Variants in ZNF248 observed in about 807,000 individuals in gnomAD.
The protein encoded by ZNF248 is KRAB protein domain.
A neutral mutation model predicts 44.3 loss-of-function variants in ZNF248; 20 were observed. The ratio of observed to expected loss-of-function variants is 0.45; its 90% CI spans 0.32 to 0.66. The LOEUF is 0.66. ZNF248 is among the 30% of genes least tolerant of loss of function. The probability of loss-of-function intolerance (pLI) is 0.04; values close to 1 mark genes in which losing one functional copy is unlikely to be tolerated. For missense variants in ZNF248, 654 were observed against 677.0 expected (o/e 0.97, Z 0.38); for synonymous variants, 224 against 229.0 (o/e 0.98, Z 0.20).
chr10:37,813,657 A>G (rs188999085), intron 6 of ZNF248, among the ~76,000 whole-genome samples: 96 of 152,272 alleles, frequency 6.3e-4, no homozygotes, highest in Non-Finnish European at 1.3e-4. Flanking sequence ...CATATACATA[A>G]TACATGTTAA....
At chr10:37,819,925 G>GT (rs1253361090) in intron 6 of ZNF248, 1 of 771,298 alleles carries the variant, frequency 1.3e-6, no homozygotes, top group African/African-American at 1.7e-5. Flanking sequence ...CCATTGTTCA[G>GT]TAAACGAGGC....
In ZNF248 at chr10:37,831,770, A is replaced by C; in HGVS notation, c.1585T>G (p.Phe529Val). 6.2e-7 allele frequency: 1 copy of C among 1,613,212 alleles called. No individual in the cohort carries two copies. Among genetic ancestry groups the C allele is most frequent in the East Asian group, 2.2e-5 (1 of 44,852 alleles). ...TTAGTGAGAGCTGATTTTTCACAGA[A>C]GGTTTTCCCACATTCATTACACTTA... Reference protein sequence around the residue: ...PYKCNECGKTFCEKSALTKHQ... With the variant: ...PYKCNECGKTVCEKSALTKHQ... Residue 529 changes from phenylalanine to valine, a missense_variant, in exon 6 of 6, where the codon TTC (phenylalanine) becomes GTC (valine). Transcript: ENST00000395867.
At chr10:37,807,554 A>G (rs184979283) in intron 6 of ZNF248, among the ~76,000 whole-genome samples, 1 of 152,322 alleles carries the variant, frequency 6.6e-6, no homozygotes, top group East Asian at 1.9e-4. Flanking sequence ...CTTCCTATCA[A>G]TGTACATGAA....
At chr10:37,833,789 C>T (rs1415059067) in intron 5 of ZNF248, among the ~76,000 whole-genome samples, 1 of 151,874 alleles carries the variant, frequency 6.6e-6, no homozygotes, top group Non-Finnish European at 1.5e-5. Context: ...GTGAAATAAA[C>T]TCAAGACATG....
intron 3 of ZNF248, among the ~76,000 whole-genome samples, chr10:37,846,354 C>A (rs2059314361): frequency 6.6e-6 from 1 of 152,140 alleles, no homozygotes; most frequent in African/African-American, 2.4e-5. Context: ...GACAATGAAG[C>A]CAGGTGCGGT....
chr10:37,772,468 A>C (rs145152018), downstream of ZNF248, among the ~76,000 whole-genome samples: 3 of 152,276 alleles, frequency 2.0e-5, no homozygotes, highest in East Asian at 5.8e-4. Context: ...CACCTGAAGG[A>C]CTATCAGACC....
At chr10:37,768,806 C>T in the ZNF248 span, among the ~76,000 whole-genome samples, 1 of 152,114 alleles carries the variant, frequency 6.6e-6, no homozygotes, top group Non-Finnish European at 1.5e-5. Context: ...ACATAAAAAA[C>T]CCTTCAAAAA....
In ZNF248 at chr10:37,831,951, T is replaced by A; in HGVS notation, c.1404A>T (p.Ala468=). Residue 468 remains alanine, a synonymous_variant, in exon 6 of 6, where the codon GCA becomes GCT. Coordinates refer to ENST00000395867, the MANE Select transcript of ZNF248 (RefSeq NM_021045.3). ...ATCTGTGGCAGAAGGATTTCCCACA[T>A]GCATTACATTCATAGGGCTTCTCCC... is the stretch of plus-strand genomic sequence containing the variant. ...HTGEKPYECN[A]CGKSFCHRSA... 5 of 1,614,072 alleles carry A rather than the reference T, an allele frequency of 3.1e-6. No individual in the cohort carries two copies. Among genetic ancestry groups the A allele is most frequent in the Non-Finnish European group, 4.2e-6 (5 of 1,179,920 alleles).
At chr10:37,848,200 G>A (rs566331700) in intron 3 of ZNF248, among the ~76,000 whole-genome samples, 2 of 151,942 alleles carry the variant, frequency 1.3e-5, no homozygotes, top group African/African-American at 2.4e-5. Flanking sequence ...TTGAACCCAG[G>A]AGGAGGAAGT....
chr10:37,821,006 G>A lies in ZNF248; in HGVS notation c.330+12019C>T, dbSNP rs1471107919. Reference sequence around the variant, plus strand: ...ATTTCTGGCTGGCAGAGCGTCTCCCGAGACTAAAGGTGCTCTGGGATCCCA... The same window carrying A: ...ATTTCTGGCTGGCAGAGCGTCTCCCAAGACTAAAGGTGCTCTGGGATCCCA... On this transcript the variant is annotated intron_variant, in intron 6 of 6. Coordinates refer to the ZNF248 transcript ENST00000615949. 60 of 1,394,342 alleles carry A rather than the reference G, an allele frequency of 4.3e-5. 1 individual carries two copies. In the South Asian group the frequency reaches 5.3e-4, roughly 12 times the overall value. 86.4% of individuals were successfully genotyped at this position (1,394,342 alleles called of 1,614,324 possible). A position where few individuals can be genotyped will look rare whatever the true frequency, so the allele number is the denominator to read the frequency against.
Position 37,831,225 on chromosome 10 carries a change from T to A in ZNF248, c.*390A>T. The stretch of plus-strand genomic sequence containing the variant: ...GCATACTCAAATTTATATATTTGCA[T>A]ACTCACATAAGGTCTACAAACATCG... On this transcript the variant is annotated 3_prime_UTR_variant, in exon 6 of 6. Coordinates refer to ENST00000395867, the MANE Select transcript of ZNF248 (RefSeq NM_021045.3). 2 of 1,544,344 alleles carry A rather than the reference T, an allele frequency of 1.3e-6. No individual in the cohort carries two copies. Among genetic ancestry groups the A allele is most frequent in the South Asian group, 1.2e-5 (1 of 82,492 alleles).
downstream of ZNF248, among the ~76,000 whole-genome samples, chr10:37,825,740 C>T (rs930930235): frequency 6.6e-6 from 1 of 152,086 alleles, no homozygotes; most frequent in African/African-American, 2.4e-5. Flanking sequence ...CCCACCCAGC[C>T]GTCACATTTC....
intron 6 of ZNF248, among the ~76,000 whole-genome samples, chr10:37,788,813 A>C (rs1296038055): frequency 2.0e-5 from 3 of 152,102 alleles, no homozygotes; most frequent in Non-Finnish European, 4.4e-5. Context: ...TAAAACAATC[A>C]TTTTGTTAAA....
the ZNF248 span, among the ~76,000 whole-genome samples, chr10:37,760,696 T>A: frequency 1.3e-5 from 2 of 152,012 alleles, no homozygotes; most frequent in African/African-American, 4.8e-5. Flanking sequence ...TAGCCTGGCA[T>A]GGTGGTGCAT....
At position 37,847,581 on chromosome 10, in the gene ZNF248, T is replaced by C. The variant is rs560001966; in HGVS notation, c.15+8715A>G. Among the ~76,000 whole-genome samples the C allele has an allele frequency of 1.1e-4, 17 of 152,316 alleles. No individual in the cohort carries two copies. In the South Asian group the frequency reaches 3.5e-3, roughly 32 times the overall value. On this transcript the variant is annotated intron_variant, in intron 3 of 5. Transcript: ENST00000395867. Reference sequence around the variant, plus strand: ...CAAACATATTTCAGAATAAAATGTATATACAGAGGAGAGATAAAGCAAATA... The same window carrying C: ...CAAACATATTTCAGAATAAAATGTACATACAGAGGAGAGATAAAGCAAATA...
rs1447049548 is a variant in ZNF248 at position 37,831,317 on chromosome 10, G to T, written c.*298C>A. On this transcript the variant is annotated 3_prime_UTR_variant, in exon 6 of 6. Coordinates refer to ENST00000395867, the MANE Select transcript of ZNF248 (RefSeq NM_021045.3). ...TTTTATAAGCTTCAGATTCCACTGTGAATATGGGTATAAATAAATATTGTC... is the reference window on the plus strand; with the variant it reads ...TTTTATAAGCTTCAGATTCCACTGTTAATATGGGTATAAATAAATATTGTC... 6.5e-7 allele frequency: 1 copy of T among 1,549,394 alleles called. No individual in the cohort carries two copies. Among genetic ancestry groups the T allele is most frequent in the Non-Finnish European group, 8.7e-7 (1 of 1,146,150 alleles).
chr10:37,838,215 A>ACCT, intron 3 of ZNF248, 104 bp from the exon 4 acceptor site: 7 of 1,069,958 alleles, frequency 6.5e-6, no homozygotes, highest in Non-Finnish European at 6.6e-6. Flanking sequence ...ATGACAGGTT[A>ACCT]CCTCCCTCTG....
At chr10:37,820,194 A>AT in intron 6 of ZNF248, 3 of 1,265,908 alleles carry the variant, frequency 2.4e-6, no homozygotes, top group Non-Finnish European at 2.3e-6. Context: ...TAGTGCAGAT[A>AT]TTTTTTATAT....
chr10:37,820,660 C>T (rs1352976614), intron 6 of ZNF248: 1 of 1,450,522 alleles, frequency 6.9e-7, no homozygotes, highest in East Asian at 2.3e-5. Context: ...TTCTTTTCCA[C>T]TTTCGCTGGT....
Sources: allele counts gnomAD v4.1 joint callset (sites outside exome capture counted in the v4.1 genomes callset), GRCh38; gene constraint gnomAD v4.1.1; transcripts MANE v1.5; gene names NCBI Gene and HGNC (gene_info 2026-07-23, HGNC 2026-07-21).